Variants in PEX14 observed in about 807,000 individuals in gnomAD.
PEX14 encodes the protein peroxisomal biogenesis factor 14.
Under a neutral mutation model 49.5 loss-of-function variants are expected in PEX14, and 15 were observed. The ratio of observed to expected loss-of-function variants is 0.30; its 90% CI spans 0.20 to 0.47. The LOEUF (loss-of-function observed/expected upper bound fraction) is 0.47, where lower values mean the gene tolerates loss of function less well. Ranked by LOEUF, PEX14 falls within the 20% of genes least tolerant of loss-of-function variation. PEX14 has a pLI of 1.00. For missense variants in PEX14, 398 were observed against 494.8 expected, an observed-to-expected ratio of 0.80 and a Z score of 1.86; for synonymous variants, 210 against 212.7, an observed-to-expected ratio of 0.99 and a Z score of 0.11.
At chr1:10,566,967 G>T (rs184426302) in intron 3 of PEX14, among the ~76,000 whole-genome samples, 1 of 152,188 alleles carries the variant, frequency 6.6e-6, no homozygotes, top group Admixed American at 6.5e-5. Flanking sequence ...CACTTTTTCT[G>T]TAAAGAGCCA....
chr1:10,568,219 C>T (rs368231641), intron 3 of PEX14, among the ~76,000 whole-genome samples: 72 of 151,520 alleles, frequency 4.8e-4, no homozygotes, highest in African/African-American at 1.7e-3. Context: ...TGATTGTGAA[C>T]GTATGATGTG....
At chr1:10,620,167 G>A (rs1225500671) in intron 5 of PEX14, among the ~76,000 whole-genome samples, 1 of 152,018 alleles carries the variant, frequency 6.6e-6, no homozygotes, top group African/African-American at 2.4e-5. Flanking sequence ...ATCCTGGGTT[G>A]GCCCAGGTGC....
chr1:10,523,240 C>A (rs1638358941), intron 2 of PEX14, among the ~76,000 whole-genome samples: 2 of 152,224 alleles, frequency 1.3e-5, no homozygotes, highest in South Asian at 4.1e-4. Context: ...GATAACTAAG[C>A]TTGTATATAA....
intron 2 of PEX14, among the ~76,000 whole-genome samples, chr1:10,533,981 A>C (rs1390031685): frequency 6.6e-6 from 1 of 152,254 alleles, no homozygotes; most frequent in African/African-American, 2.4e-5. Flanking sequence ...TTAAAAAAGC[A>C]AGGTGAAACC....
intron 3 of PEX14, among the ~76,000 whole-genome samples, chr1:10,541,355 G>A (rs1639005284): frequency 6.6e-6 from 1 of 152,244 alleles, no homozygotes; most frequent in African/African-American, 2.4e-5. Flanking sequence ...GGAACCTGGA[G>A]GAAGAAGGCA....
intron 2 of PEX14, among the ~76,000 whole-genome samples, chr1:10,497,199 C>T (rs1321894930): frequency 3.9e-5 from 6 of 152,124 alleles, no homozygotes; most frequent in Non-Finnish European, 8.8e-5. Flanking sequence ...CCAGCTGAGT[C>T]GCGTGGTCTT....
chr1:10,607,041 G>A (rs1255814863), intron 4 of PEX14, among the ~76,000 whole-genome samples: 1 of 152,068 alleles, frequency 6.6e-6, no homozygotes, highest in African/African-American at 2.4e-5. Context: ...CTTGATCCTG[G>A]CTTGAGGGCA....
intron 2 of PEX14, among the ~76,000 whole-genome samples, chr1:10,509,154 C>T (rs1641841834): frequency 6.6e-6 from 1 of 151,994 alleles, no homozygotes; most frequent in African/African-American, 2.4e-5. Flanking sequence ...TTCACCATGT[C>T]AGCCAGGATG....
chr1:10,540,749 G>A (rs984563881), intron 3 of PEX14, among the ~76,000 whole-genome samples: 1 of 152,136 alleles, frequency 6.6e-6, no homozygotes, highest in African/African-American at 2.4e-5. Context: ...CAGATAGCTT[G>A]GGGGGAGGGC....
chr1:10,562,556 T>TGA, intron 3 of PEX14, among the ~76,000 whole-genome samples: 1 of 152,210 alleles, frequency 6.6e-6, no homozygotes, highest in African/African-American at 2.4e-5. Flanking sequence ...TGTTTCCTCA[T>TGA]GACTAGATTT....
intron 1 of PEX14, among the ~76,000 whole-genome samples, chr1:10,487,049 C>T (rs1323150246): frequency 6.6e-6 from 1 of 151,548 alleles, no homozygotes; most frequent in African/African-American, 2.4e-5. Flanking sequence ...TCTTTTTTGT[C>T]TCTATTGAGT....
At chr1:10,576,573 C>T (rs944652167) in intron 3 of PEX14, among the ~76,000 whole-genome samples, 7 of 151,542 alleles carry the variant, frequency 4.6e-5, no homozygotes, top group Non-Finnish European at 7.4e-5. Flanking sequence ...AGCGAAGCTC[C>T]TTTCAAACAT....
At chr1:10,540,970 G>A (rs1638989847) in intron 3 of PEX14, among the ~76,000 whole-genome samples, 1 of 152,106 alleles carries the variant, frequency 6.6e-6, no homozygotes, top group Non-Finnish European at 1.5e-5. Flanking sequence ...GTATATCCTG[G>A]ACATTTTTTA....
intron 3 of PEX14, 43 bp downstream of exon 3, chr1:10,536,340 C>A: frequency 8.6e-7 from 1 of 1,166,536 alleles, no homozygotes; most frequent in Non-Finnish European, 1.3e-6. Context: ...TACAGGGGGA[C>A]TGGGGCTGGG....
At chr1:10,524,561 G>C (rs1638405179) in intron 2 of PEX14, 1 of 203,944 alleles carries the variant, frequency 4.9e-6, no homozygotes, top group African/African-American at 2.4e-5. Context: ...ACCAAGATGG[G>C]GAAGGGCATC....
rs1188204273 is a variant in PEX14 at position 10,494,713 on chromosome 1, T to TG, written c.37-557dup. Reference sequence around the variant, plus strand: ...AAGCCTGGGGCTTTCTTTACTATTGTGGGGTGGTGTCCTTAGTGGCAGGTG... The same window carrying TG: ...AAGCCTGGGGCTTTCTTTACTATTGTGGGGGTGGTGTCCTTAGTGGCAGGTG... On this transcript the variant is annotated intron_variant, in intron 1 of 8. Coordinates refer to ENST00000356607, the MANE Select transcript of PEX14 (RefSeq NM_004565.3). This position sits in a 1 kb window ranked among gnomAD's most constrained non-coding sequence, Gnocchi z 4.3. Among the ~76,000 whole-genome samples, 1 of 152,172 alleles carries TG rather than the reference T, an allele frequency of 6.6e-6. No individual in the cohort carries two copies. The highest frequency in any genetic ancestry group is 1.5e-5 in the Non-Finnish European group (1 of 68,036).
At chr1:10,617,920 C>T (rs571697076) in intron 4 of PEX14, among the ~76,000 whole-genome samples, 3 of 152,226 alleles carry the variant, frequency 2.0e-5, no homozygotes, top group East Asian at 3.9e-4. Flanking sequence ...CCCAGCTTAT[C>T]GCCAGCTATA....
chr1:10,624,645 C>T (rs1427092094), intron 7 of PEX14, among the ~76,000 whole-genome samples: 6 of 152,152 alleles, frequency 3.9e-5, no homozygotes, highest in African/African-American at 1.2e-4. Context: ...GTTTAACTGT[C>T]GAGGCCATCC....
intron 4 of PEX14, chr1:10,616,810 G>T (rs1641433716): frequency 6.6e-6 from 1 of 152,142 alleles, no homozygotes; most frequent in Non-Finnish European, 1.5e-5. Context: ...AGGGCACTTT[G>T]CTATGTGCCG....
Sources: allele counts gnomAD v4.1 joint callset (sites outside exome capture counted in the v4.1 genomes callset), GRCh38; gene constraint gnomAD v4.1.1; non-coding constraint Gnocchi (gnomAD v3.1); transcripts MANE v1.5; gene names NCBI Gene and HGNC (gene_info 2026-07-23, HGNC 2026-07-21).